The following ZNF717 variants were observed in gnomAD, a reference collection of about 807,000 sequenced individuals.
The protein encoded by ZNF717 is zinc finger protein 717.
Under a neutral mutation model 13.8 loss-of-function variants are expected in ZNF717, and 9 were observed. That is an observed-to-expected ratio of 0.65 (90% CI 0.39 to 1.14). The LOEUF is 1.14. Among genes scored for constraint, ZNF717 ranks in the 50% most tolerant of loss-of-function variants. The pLI is 0.01. For synonymous variants in ZNF717, 327 were observed against 364.1 expected (o/e 0.90, Z 1.16); for missense variants, 1,040 against 1,080.7 (o/e 0.96, Z 0.53).
At chr3:75,707,563 T>A (rs1267899307), downstream of ZNF717, among the ~76,000 whole-genome samples, 1 of 152,274 alleles carries the variant, frequency 6.6e-6, no homozygotes, top group Admixed American at 6.5e-5. Context: ...CCATTTGAGG[T>A]ACCGGGTTCA....
chr3:75,774,807 G>T (rs1229185044), intron 2 of ZNF717, among the ~76,000 whole-genome samples: 1 of 151,920 alleles, frequency 6.6e-6, no homozygotes, highest in African/African-American at 2.4e-5. Context: ...TTTTAGTAGA[G>T]ACGGGGTTTC....
downstream of ZNF717, among the ~76,000 whole-genome samples, chr3:75,732,465 C>G (rs1404073028): frequency 1.3e-5 from 2 of 152,234 alleles, no homozygotes; most frequent in Non-Finnish European, 2.9e-5. Flanking sequence ...AACCGAGTCT[C>G]CAATGCACTA....
At chr3:75,749,032 T>C (rs1281116779) in intron 2 of ZNF717, among the ~76,000 whole-genome samples, 1 of 151,518 alleles carries the variant, frequency 6.6e-6, no homozygotes, top group Non-Finnish European at 1.5e-5. Context: ...CACATAGGAT[T>C]CCAGAACACT....
At chr3:75,772,444 C>T (rs1239112712) in intron 2 of ZNF717, among the ~76,000 whole-genome samples, 3 of 152,220 alleles carry the variant, frequency 2.0e-5, no homozygotes, top group Non-Finnish European at 2.9e-5. Flanking sequence ...GACTTAGGAG[C>T]TCCCCAAGCC....
At chr3:75,732,191 T>G, downstream of ZNF717, 1 of 699,522 alleles carries the variant, frequency 1.4e-6, no homozygotes, top group South Asian at 1.5e-5. Context: ...AGGCTTATCC[T>G]CAGGAGAAAT....
intron 2 of ZNF717, among the ~76,000 whole-genome samples, chr3:75,773,074 T>C (rs79070823): frequency 3.4e-3 from 411 of 122,136 alleles, no homozygotes; most frequent in South Asian, 0.012. Flanking sequence ...CTACATCTGA[T>C]TGGGTCAGAA....
chr3:75,750,715 A>T (rs970795210), intron 2 of ZNF717, among the ~76,000 whole-genome samples: 1 of 151,576 alleles, frequency 6.6e-6, no homozygotes, highest in Non-Finnish European at 1.5e-5. Flanking sequence ...AGGACTCCAG[A>T]ACACTCCTAC....
At chr3:75,730,906 G>A (rs1234093078), downstream of ZNF717, among the ~76,000 whole-genome samples, 4 of 152,356 alleles carry the variant, frequency 2.6e-5, no homozygotes, top group Middle Eastern at 3.4e-3. Context: ...AAGAAGATAA[G>A]TCTTAGAAAC....
intron 4 of ZNF717, among the ~76,000 whole-genome samples, chr3:75,718,378 G>A (rs1271615342): frequency 1.1e-3 from 166 of 152,278 alleles, no homozygotes; most frequent in African/African-American, 3.7e-3. Context: ...GTAAGAGACA[G>A]GTGGTGATGA....
intron 2 of ZNF717, among the ~76,000 whole-genome samples, chr3:75,772,207 C>T (rs1553683202): frequency 6.6e-6 from 1 of 152,146 alleles, no homozygotes; most frequent in Non-Finnish European, 1.5e-5. Flanking sequence ...GAGCTACCCC[C>T]TGCAGGTCTC....
At chr3:75,777,151 A>G (rs1559687873) in intron 2 of ZNF717, among the ~76,000 whole-genome samples, 1 of 152,238 alleles carries the variant, frequency 6.6e-6, no homozygotes, top group Non-Finnish European at 1.5e-5. Flanking sequence ...TTAAGAAAAA[A>G]TGTGCAACTA....
chr3:75,739,030 T>C lies in ZNF717; in HGVS notation c.593A>G (p.Gln198Arg). ...CAGCAGAGTTTGAATCTTGTGATGC[T>C]GAGTAAGATGTTCATGATGTCTGTG... The part of the protein sequence containing the change: ...RSHRHHEHLT[Q>R]HHKIQTLLQT... Residue 198 changes from glutamine (Q) to arginine (R), a missense_variant, in exon 5 of 5, where the codon CAG (glutamine) becomes CGG (arginine). Physicochemically the swap from Gln to Arg is conservative, Grantham distance 43. Transcript: ENST00000652011. 6.4e-7 allele frequency: 1 copy of C among 1,551,626 alleles called. No individual in the cohort carries two copies. The highest frequency in any genetic ancestry group is 2.0e-5 in the Admixed American group (1 of 51,004).
chr3:75,755,605 C>G (rs1314774138), intron 2 of ZNF717, among the ~76,000 whole-genome samples: 3 of 152,052 alleles, frequency 2.0e-5, no homozygotes, highest in Non-Finnish European at 4.4e-5. Flanking sequence ...CAGGTGTTTT[C>G]TTTGTTAAGC....
At chr3:75,735,619 T>C (rs1939078141), downstream of ZNF717, among the ~76,000 whole-genome samples, 1 of 135,414 alleles carries the variant, frequency 7.4e-6, no homozygotes, top group Admixed American at 8.0e-5. Flanking sequence ...CACTCCAGCC[T>C]GGGTGACTGT....
rs1367542673 is a variant in ZNF717, at chr3:75,716,936, C to T, written n.545-395G>A. Among the ~76,000 whole-genome samples, 877 of 152,292 alleles carry T rather than the reference C, an allele frequency of 5.8e-3. 8 individuals are homozygous for T. Among genetic ancestry groups the T allele is most frequent in the Non-Finnish European group, 9.0e-3 (613 of 68,020 alleles). The stretch of plus-strand genomic sequence containing the variant: ...GGGTAATTACAATGTATTGGCAACA[C>T]CCATTCACTATGTTGTACATTTTGA... On this transcript the variant is annotated intron_variant and non_coding_transcript_variant, in intron 4 of 5. Coordinates refer to the ZNF717 transcript ENST00000491507.
chr3:75,708,354 C>G (rs1937848780), downstream of ZNF717, among the ~76,000 whole-genome samples: 1 of 152,308 alleles, frequency 6.6e-6, no homozygotes, highest in South Asian at 2.1e-4. Context: ...CCCAGGCAAA[C>G]AGGGTCTGGA....
At chr3:75,705,327 T>C (rs1414210960), downstream of ZNF717, among the ~76,000 whole-genome samples, 61 of 152,410 alleles carry the variant, frequency 4.0e-4, no homozygotes, top group South Asian at 2.5e-3. Flanking sequence ...AAATACATTA[T>C]ATACAGGCTT....
chr3:75,734,700 C>G (rs74766670), downstream of ZNF717, among the ~76,000 whole-genome samples: 218 of 113,274 alleles, frequency 1.9e-3, no homozygotes, highest in Admixed American at 2.4e-3. Flanking sequence ...CTCCCAAAGT[C>G]CTGGGATTAC....
chr3:75,766,706 C>A (rs1288309836), intron 2 of ZNF717, among the ~76,000 whole-genome samples: 8 of 152,272 alleles, frequency 5.3e-5, no homozygotes, highest in African/African-American at 1.9e-4. Context: ...TTATGAAGCA[C>A]ACAGTTGAGC....
Sources: allele counts gnomAD v4.1 joint callset (sites outside exome capture counted in the v4.1 genomes callset), GRCh38; gene constraint gnomAD v4.1.1; transcripts MANE v1.5; gene names NCBI Gene and HGNC (gene_info 2026-07-23, HGNC 2026-07-21).